The following RALYL variants were observed in gnomAD, a reference collection of about 807,000 sequenced individuals.
The protein encoded by RALYL is RNA-binding Raly-like protein.
In RALYL, 29 loss-of-function variants were observed where a neutral mutation model predicts 35.1. The ratio of observed to expected loss-of-function variants is 0.83; its 90% CI spans 0.61 to 1.13. The LOEUF is 1.13. Ranked by LOEUF, RALYL falls within the 50% of genes most tolerant of loss-of-function variation. The pLI is 0.00. For synonymous variants in RALYL, 120 were observed against 127.6 expected, an observed-to-expected ratio of 0.94 and a Z score of 0.40; for missense variants, 359 against 360.4, an observed-to-expected ratio of 1.00 and a Z score of 0.03.
intron 1 of RALYL, among the ~76,000 whole-genome samples, chr8:84,379,776 C>A (rs1857588708): frequency 6.7e-6 from 1 of 149,742 alleles, no homozygotes; most frequent in Non-Finnish European, 1.5e-5. Context: ...TAAATGCGGG[C>A]AGGAATTGAG....
At chr8:84,711,387 C>T (rs1194746928) in intron 2 of RALYL, among the ~76,000 whole-genome samples, 1 of 152,092 alleles carries the variant, frequency 6.6e-6, no homozygotes, top group Non-Finnish European at 1.5e-5. Flanking sequence ...TTAAAATAAT[C>T]ACTCTCCATA....
intron 2 of RALYL, among the ~76,000 whole-genome samples, chr8:84,589,901 A>T (rs970192804): frequency 4.6e-5 from 7 of 152,224 alleles, no homozygotes; most frequent in African/African-American, 1.7e-4. Flanking sequence ...TCATCACATT[A>T]TCTGTACATT....
At chr8:84,584,111 A>G (rs181707849) in intron 2 of RALYL, among the ~76,000 whole-genome samples, 2 of 152,304 alleles carry the variant, frequency 1.3e-5, no homozygotes, top group Admixed American at 1.3e-4. Flanking sequence ...CAATCCAATT[A>G]TACCCTTTTA....
rs114394526 is a variant in RALYL, at chr8:84,461,024, C to G, written c.-23-68275C>G. 5.7e-3 allele frequency among the ~76,000 whole-genome samples: 865 copies of G among 151,630 alleles called. 10 individuals are homozygous for G. Among genetic ancestry groups the G allele is most frequent in the African/African-American group, 0.019 (798 of 41,442 alleles). On this transcript the variant is annotated intron_variant, in intron 1 of 8. Coordinates refer to ENST00000521268, the MANE Select transcript of RALYL (RefSeq NM_173848.7). The stretch of plus-strand genomic sequence containing the variant: ...AAAGGTGGTAGGATTGGATTGCAAG[C>G]AATTTTTATTCTTTGCATTTTGAAT...
intron 4 of RALYL, among the ~76,000 whole-genome samples, chr8:84,820,245 T>G (rs979817498): frequency 4.6e-5 from 7 of 152,208 alleles, no homozygotes; most frequent in African/African-American, 1.7e-4. Context: ...AAGCAAGTCT[T>G]ATGAGAAACC....
At chr8:84,382,058 A>G (rs1858095631) in intron 1 of RALYL, among the ~76,000 whole-genome samples, 1 of 151,600 alleles carries the variant, frequency 6.6e-6, no homozygotes, top group Non-Finnish European at 1.5e-5. Flanking sequence ...AATTAATATC[A>G]TAAAAATTTA....
chr8:84,708,535 T>C (rs572104379), intron 2 of RALYL, among the ~76,000 whole-genome samples: 1 of 152,280 alleles, frequency 6.6e-6, no homozygotes, highest in East Asian at 1.9e-4. Flanking sequence ...GATGCTGATA[T>C]TGCCAGAGCC....
chr8:84,646,722 G>A (rs1827581191), intron 2 of RALYL, among the ~76,000 whole-genome samples: 1 of 151,798 alleles, frequency 6.6e-6, no homozygotes, highest in South Asian at 2.1e-4. Context: ...ATTCCTTTTT[G>A]TTTTCTTTGT....
intron 8 of RALYL, among the ~76,000 whole-genome samples, chr8:84,918,724 G>A (rs111362770): frequency 2.1e-4 from 32 of 152,222 alleles, no homozygotes; most frequent in African/African-American, 6.3e-4. Context: ...TTGTGAATAT[G>A]TTTTGACATT....
chr8:84,258,631 T>C (rs1002731848), intron 1 of RALYL, among the ~76,000 whole-genome samples: 1 of 152,206 alleles, frequency 6.6e-6, no homozygotes, highest in African/African-American at 2.4e-5. Context: ...AAGATTGTAA[T>C]ACAGTCAGAG....
chr8:84,256,086 G>A (rs549113816), intron 1 of RALYL, among the ~76,000 whole-genome samples: 25 of 152,260 alleles, frequency 1.6e-4, no homozygotes, highest in African/African-American at 6.0e-4. Flanking sequence ...GGGTATGTCT[G>A]ATTGCTGGTG....
chr8:84,837,355 G>A (rs1292207717), intron 4 of RALYL, among the ~76,000 whole-genome samples: 1 of 152,130 alleles, frequency 6.6e-6, no homozygotes, highest in Non-Finnish European at 1.5e-5. Context: ...AATTGAGAAG[G>A]CTCTAGTAGT....
rs200779131 is a variant in RALYL at position 84,766,488 on chromosome 8, T to TC, written c.257-8090dup. On this transcript the variant is annotated intron_variant, in intron 2 of 8. Coordinates refer to ENST00000521268, the MANE Select transcript of RALYL (RefSeq NM_173848.7). The stretch of plus-strand genomic sequence containing the variant: ...GTGGGTGGATCACGAGTTCAGGAGA[T>TC]CAAGACCATCCTGGCTAACACGGTG... Among the ~76,000 whole-genome samples the TC allele has an allele frequency of 7.4e-3, 1,109 of 150,284 alleles. 18 individuals carry two copies. Among genetic ancestry groups the TC allele is most frequent in the African/African-American group, 0.025 (1,009 of 40,836 alleles).
intron 1 of RALYL, among the ~76,000 whole-genome samples, chr8:84,250,061 TG>T: frequency 6.6e-6 from 1 of 152,190 alleles, no homozygotes; most frequent in South Asian, 2.1e-4. Context: ...TCCAGTGTCC[TG>T]CTTTATTAAA....
Position 84,873,372 on chromosome 8 carries a change from T to C in RALYL, c.660T>C (p.Ile220=). The C allele has an allele frequency of 6.3e-7, 1 of 1,598,816 alleles. No homozygotes were observed. Among genetic ancestry groups the C allele is most frequent in the Non-Finnish European group, 8.5e-7 (1 of 1,172,192 alleles). ...CCTTGCTAGGGCGCCTGGAGAAGATTGAGAAACAGCAGAAGGCGGAGGCAG... is the reference window on the plus strand; with the variant it reads ...CCTTGCTAGGGCGCCTGGAGAAGATCGAGAAACAGCAGAAGGCGGAGGCAG... The part of the protein sequence containing the change: ...IDSLLGRLEK[I]EKQQKAEAEA... Residue 220 remains isoleucine (I), a synonymous_variant, in exon 7 of 9, where the codon ATT becomes ATC. Transcript: ENST00000521268.
intron 1 of RALYL, among the ~76,000 whole-genome samples, chr8:84,484,663 T>G (rs940178780): frequency 1.3e-5 from 2 of 152,268 alleles, no homozygotes; most frequent in Admixed American, 6.5e-5. Context: ...TTTGTTAACT[T>G]TACATATGTA....
intron 1 of RALYL, among the ~76,000 whole-genome samples, chr8:84,424,659 T>G (rs1014393562): frequency 4.7e-4 from 71 of 151,892 alleles, no homozygotes; most frequent in African/African-American, 1.7e-3. Flanking sequence ...TTCTGTTCTG[T>G]TTTTTCCCCA....
rs558465948 is a variant in RALYL, at chr8:84,782,030, C to T, written c.332+7376C>T. Among the ~76,000 whole-genome samples, 44 of 122,314 alleles carry T rather than the reference C, an allele frequency of 3.6e-4. 1 individual carries two copies. The highest frequency in any genetic ancestry group is 3.1e-3 in the South Asian group (10 of 3,244). 80.2% of individuals were successfully genotyped at this position (122,314 alleles called of 152,430 possible). ...AATACGTGCATGCTGTGCACACGCG[C>T]GCACACACACACACACACACACACA... On this transcript the variant is annotated intron_variant, in intron 3 of 8. Transcript: ENST00000521268.
intron 3 of RALYL, among the ~76,000 whole-genome samples, chr8:84,778,081 G>C (rs1369960987): frequency 3.3e-5 from 5 of 152,176 alleles, no homozygotes. Context: ...TAGGAAACTA[G>C]CATAGAAAAT....
Sources: allele counts gnomAD v4.1 joint callset (sites outside exome capture counted in the v4.1 genomes callset), GRCh38; gene constraint gnomAD v4.1.1; transcripts MANE v1.5; gene names NCBI Gene and HGNC (gene_info 2026-07-23, HGNC 2026-07-21).